The following C8orf34 variants were observed in gnomAD, a reference collection of about 807,000 sequenced individuals.
The protein encoded by C8orf34 is uncharacterized protein C8orf34.
Under a neutral mutation model 68.3 loss-of-function variants are expected in C8orf34, and 65 were observed. The observed-to-expected ratio is 0.95, with a 90% CI of 0.78 to 1.17. The LOEUF (loss-of-function observed/expected upper bound fraction) is 1.17. C8orf34 is among the 50% of genes most tolerant of loss of function. The pLI is 0.00. For missense variants in C8orf34, 664 were observed against 655.4 expected (o/e 1.01, Z -0.14); for synonymous variants, 244 against 241.2 (o/e 1.01, Z -0.11).
intron 8 of C8orf34, among the ~76,000 whole-genome samples, chr8:68,644,777 T>A (rs1819115999): frequency 6.6e-6 from 1 of 152,150 alleles, no homozygotes; most frequent in South Asian, 2.1e-4. Context: ...TCCCTCAGAA[T>A]CCAGACAGAG....
intron 12 of C8orf34, among the ~76,000 whole-genome samples, chr8:68,798,270 G>A (rs532140170): frequency 1.3e-5 from 2 of 148,326 alleles, no homozygotes; most frequent in Non-Finnish European, 3.0e-5. Context: ...GATTACAGGT[G>A]TGAAGCATTA....
intron 6 of C8orf34, among the ~76,000 whole-genome samples, chr8:68,527,373 C>G (rs933398624): frequency 6.6e-6 from 1 of 152,122 alleles, no homozygotes; most frequent in Non-Finnish European, 1.5e-5. Flanking sequence ...GAGGTCGAAA[C>G]CATCCTGGCT....
chr8:68,743,618 T>A (rs182900162), intron 10 of C8orf34, among the ~76,000 whole-genome samples: 1 of 152,036 alleles, frequency 6.6e-6, no homozygotes, highest in Non-Finnish European at 1.5e-5. Flanking sequence ...AAGAAAGGGG[T>A]GACAGATGGC....
chr8:68,520,282 T>C (rs1563503137), intron 5 of C8orf34, among the ~76,000 whole-genome samples: 1 of 152,214 alleles, frequency 6.6e-6, no homozygotes, highest in Non-Finnish European at 1.5e-5. Flanking sequence ...TCAAATATGT[T>C]CTAAATCATA....
chr8:68,517,553 G>A (rs1814572427), intron 5 of C8orf34, among the ~76,000 whole-genome samples: 1 of 152,134 alleles, frequency 6.6e-6, no homozygotes, highest in African/African-American at 2.4e-5. Flanking sequence ...TACACCAGGT[G>A]GAGTTAAACA....
At chr8:68,709,554 T>C (rs1821273075) in intron 9 of C8orf34, among the ~76,000 whole-genome samples, 2 of 152,140 alleles carry the variant, frequency 1.3e-5, no homozygotes, top group South Asian at 4.1e-4. Flanking sequence ...CCCAGCCCTG[T>C]ATTAAATTGG....
chr8:68,377,072 C>T (rs767871625), intron 1 of C8orf34, among the ~76,000 whole-genome samples: 1 of 151,900 alleles, frequency 6.6e-6, no homozygotes, highest in African/African-American at 2.4e-5. Context: ...TTCATGGAGC[C>T]CTGAATGTGA....
At chr8:68,452,482 T>A (rs1811385088) in intron 3 of C8orf34, among the ~76,000 whole-genome samples, 1 of 151,670 alleles carries the variant, frequency 6.6e-6, no homozygotes, top group Non-Finnish European at 1.5e-5. Flanking sequence ...AAGTGGTATC[T>A]CATTGTTGTC....
Position 68,371,891 on chromosome 8 carries a change from A to G in C8orf34, c.327+40552A>G, listed in dbSNP as rs151101932. ...GGGATTACAGGCACCACTTATTTCT[A>G]TAAGCTACCCTACCTCACAGTCTTT... On this transcript the variant is annotated intron_variant, in intron 1 of 13. Transcript: ENST00000518698. 7.8e-3 allele frequency among the ~76,000 whole-genome samples: 1,179 copies of G among 152,116 alleles called. 17 individuals are homozygous for G. The highest frequency in any genetic ancestry group is 0.026 in the African/African-American group (1,082 of 41,508).
chr8:68,371,612 T>C (rs1299502222), intron 1 of C8orf34, among the ~76,000 whole-genome samples: 1 of 151,654 alleles, frequency 6.6e-6, no homozygotes, highest in Non-Finnish European at 1.5e-5. Context: ...TTTTTTTTTT[T>C]TTTTTGATAC....
intron 8 of C8orf34, among the ~76,000 whole-genome samples, chr8:68,668,149 T>C (rs182160230): frequency 1.8e-4 from 28 of 152,268 alleles, no homozygotes; most frequent in Non-Finnish European, 3.5e-4. Flanking sequence ...TAAGTATCAA[T>C]ATATAGCTAC....
At chr8:68,439,681 T>C (rs1329547612) in intron 2 of C8orf34, 35 bp downstream of exon 2, 4 of 1,580,964 alleles carry the variant, frequency 2.5e-6, no homozygotes, top group Non-Finnish European at 3.4e-6. Context: ...TAATTTGGGA[T>C]TCATTTAATG....
At chr8:68,390,627 A>G (rs1808443109) in intron 1 of C8orf34, among the ~76,000 whole-genome samples, 1 of 152,094 alleles carries the variant, frequency 6.6e-6, no homozygotes, top group Non-Finnish European at 1.5e-5. Flanking sequence ...GGCTGTGTAC[A>G]TTCCCCAGGC....
chr8:68,367,912 G>GAAAAAAAAAAAAAAAAAAAAAAAAAAAAA (rs61562318), intron 1 of C8orf34, among the ~76,000 whole-genome samples: 4 of 79,118 alleles, frequency 5.1e-5, no homozygotes, highest in Non-Finnish European at 9.4e-5. Context: ...AAAAAGAAAA[G>GAAAAAAAAAAAAAAAAAAAAAAAAAAAAA]AAAAAAAAAA....
intron 5 of C8orf34, among the ~76,000 whole-genome samples, chr8:68,500,937 C>T (rs1813743487): frequency 6.6e-6 from 1 of 152,144 alleles, no homozygotes; most frequent in African/African-American, 2.4e-5. Context: ...GAATAAGAGA[C>T]ATTTGCCATG....
At chr8:68,388,316 C>G (rs1051484880) in intron 1 of C8orf34, among the ~76,000 whole-genome samples, 1 of 152,072 alleles carries the variant, frequency 6.6e-6, no homozygotes, top group Non-Finnish European at 1.5e-5. Context: ...CTGCAGAGCC[C>G]CAGTGGAGTC....
chr8:68,790,523 T>G (rs1342640885), intron 12 of C8orf34, among the ~76,000 whole-genome samples: 2 of 152,192 alleles, frequency 1.3e-5, no homozygotes, highest in East Asian at 3.8e-4. Flanking sequence ...AAGACTTAGC[T>G]CAAATAAATT....
intron 7 of C8orf34, among the ~76,000 whole-genome samples, chr8:68,631,075 G>A (rs978983535): frequency 2.6e-5 from 4 of 151,474 alleles, no homozygotes; most frequent in Non-Finnish European, 5.9e-5. Flanking sequence ...GACCAGGCAG[G>A]CCAACATAGG....
rs16934990 is a variant in C8orf34, at chr8:68,762,961, T to A, written c.1405-13438T>A. Reference sequence around the variant, plus strand: ...CCCACACTCTGTGCCCTGTCTTAGATGTAATGAAGCATTGGAATTGTGGTT... The same window carrying A: ...CCCACACTCTGTGCCCTGTCTTAGAAGTAATGAAGCATTGGAATTGTGGTT... On this transcript the variant is annotated intron_variant, in intron 10 of 13. Coordinates refer to ENST00000518698, the MANE Select transcript of C8orf34 (RefSeq NM_052958.4). Among the ~76,000 whole-genome samples, 911 of 152,304 alleles carry A rather than the reference T, an allele frequency of 6.0e-3. 15 individuals are homozygous for A. Among genetic ancestry groups the A allele is most frequent in the Admixed American group, 0.026 (393 of 15,300 alleles).
Sources: allele counts gnomAD v4.1 joint callset (sites outside exome capture counted in the v4.1 genomes callset), GRCh38; gene constraint gnomAD v4.1.1; transcripts MANE v1.5; gene names NCBI Gene and HGNC (gene_info 2026-07-23, HGNC 2026-07-21).